SNTG1: variants seen among roughly 807,000 people sequenced by gnomAD.
SNTG1 encodes the protein gamma-1-syntrophin.
A neutral mutation model predicts 74.7 loss-of-function variants in SNTG1; 39 were observed. That is an observed-to-expected ratio of 0.52 (90% confidence interval 0.40 to 0.68). The LOEUF is 0.68. Ranked by LOEUF, SNTG1 falls within the 30% of genes least tolerant of loss-of-function variation. The pLI, the probability that SNTG1 is intolerant of heterozygous loss-of-function variation, is 0.00. For missense variants in SNTG1, 685 were observed against 609.5 expected (o/e 1.12, Z -1.30); for synonymous variants, 254 against 217.1 (o/e 1.17, Z -1.49).
At chr8:50,661,121 A>G (rs1396704763) in intron 15 of SNTG1, among the ~76,000 whole-genome samples, 1 of 152,202 alleles carries the variant, frequency 6.6e-6, no homozygotes, top group African/African-American at 2.4e-5. Context: ...TAACCTCAGC[A>G]CTTGTTATGT....
intron 2 of SNTG1, among the ~76,000 whole-genome samples, chr8:50,232,332 G>A (rs993469401): frequency 2.6e-5 from 4 of 151,190 alleles, no homozygotes; most frequent in African/African-American, 4.8e-5. Flanking sequence ...ATTTTATCAG[G>A]CTAAAAGGAA....
chr8:50,776,506 A>T (rs923837992), intron 18 of SNTG1, among the ~76,000 whole-genome samples: 30 of 147,796 alleles, frequency 2.0e-4, no homozygotes, highest in Non-Finnish European at 7.5e-5. Flanking sequence ...ATATATAGAT[A>T]TATTATGTCT....
chr8:50,066,317 T>C (rs1820895853), intron 1 of SNTG1, among the ~76,000 whole-genome samples: 1 of 152,162 alleles, frequency 6.6e-6, no homozygotes, highest in African/African-American at 2.4e-5. Context: ...ATAAAAATTA[T>C]ATACATTTAA....
At chr8:50,518,805 A>G (rs1330033530) in intron 9 of SNTG1, among the ~76,000 whole-genome samples, 2 of 152,212 alleles carry the variant, frequency 1.3e-5, no homozygotes, top group Admixed American at 6.5e-5. Context: ...AAATTGAGGC[A>G]GTAATTAATA....
intron 12 of SNTG1, among the ~76,000 whole-genome samples, chr8:50,566,130 G>A (rs1210126900): frequency 6.6e-6 from 1 of 151,716 alleles, no homozygotes; most frequent in Non-Finnish European, 1.5e-5. Context: ...TCAAATGATG[G>A]TAATCATAGA....
chr8:50,610,299 A>G (rs1411753066), intron 13 of SNTG1, among the ~76,000 whole-genome samples: 2 of 152,128 alleles, frequency 1.3e-5, no homozygotes, highest in East Asian at 3.9e-4. Context: ...GACATCTTAC[A>G]CCCATAGGAT....
At chr8:50,252,535 G>A (rs1432375721) in intron 2 of SNTG1, among the ~76,000 whole-genome samples, 1 of 152,140 alleles carries the variant, frequency 6.6e-6, no homozygotes, top group East Asian at 1.9e-4. Flanking sequence ...TGATTATTAA[G>A]ATCACAGATA....
At chr8:50,704,541 G>C in intron 15 of SNTG1, 59 bp from the exon 16 acceptor site, 8 of 1,609,272 alleles carry the variant, frequency 5.0e-6, no homozygotes, top group Non-Finnish European at 6.8e-6. Context: ...GTCAGGAATG[G>C]CCAGGTTAGC....
At position 50,402,189 on chromosome 8, in the gene SNTG1, GT is replaced by G. The variant is rs762056974; in HGVS notation, c.28-10del. ...ACTAAGTATAATTTTTCCTCTGTTTGTTTTTTTTTTTAATCTGAAGACAAAG... is the reference window on the plus strand; with the variant it reads ...ACTAAGTATAATTTTTCCTCTGTTTGTTTTTTTTTTAATCTGAAGACAAAG... On this transcript the variant is annotated intron_variant, in intron 3 of 18. Transcript: ENST00000642720. 15,409 of 1,040,454 alleles carry G rather than the reference GT, an allele frequency of 0.015. No homozygotes were observed. The highest frequency in any genetic ancestry group is 0.029 in the South Asian group (1,537 of 52,910). The allele number at this position is 1,040,454 out of a possible 1,614,324, so 64.5% of individuals were successfully genotyped here.
intron 18 of SNTG1, among the ~76,000 whole-genome samples, chr8:50,780,105 C>T (rs2095654318): frequency 1.3e-5 from 2 of 152,096 alleles, no homozygotes; most frequent in Non-Finnish European, 2.9e-5. Flanking sequence ...TTTGGTTTGC[C>T]AGTATTTTAT....
intron 13 of SNTG1, among the ~76,000 whole-genome samples, chr8:50,628,658 GCTTCT>G (rs1317334196): frequency 6.6e-6 from 1 of 151,552 alleles, no homozygotes; most frequent in Non-Finnish European, 1.5e-5. Context: ...TTTTGTTTCT[GCTTCT>G]CTTCTAAAAC....
Position 50,150,265 on chromosome 8 carries a change from T to G in SNTG1, c.-102-22296T>G, listed in dbSNP as rs566565059. On this transcript the variant is annotated intron_variant, in intron 1 of 18. Transcript: ENST00000642720. ...TTTTGTATCCTGAGACTTTGCTGAA[T>G]TTGCTTATCAGCTTAAGGAGATTTT... Among the ~76,000 whole-genome samples, 865 of 152,210 alleles carry G rather than the reference T, an allele frequency of 5.7e-3. 3 individuals are homozygous for G. Among genetic ancestry groups the G allele is most frequent in the Admixed American group, 0.013 (198 of 15,278 alleles).
At chr8:50,711,864 C>T (rs1015405356) in intron 17 of SNTG1, among the ~76,000 whole-genome samples, 1 of 152,106 alleles carries the variant, frequency 6.6e-6, no homozygotes. Flanking sequence ...CTTTGTAATT[C>T]TCTTCCTTAT....
chr8:50,499,637 T>C (rs113977712), intron 8 of SNTG1, among the ~76,000 whole-genome samples: 33 of 152,014 alleles, frequency 2.2e-4, no homozygotes, highest in African/African-American at 7.5e-4. Context: ...TTTAGTCTTT[T>C]ACTATTTAGT....
intron 1 of SNTG1, among the ~76,000 whole-genome samples, chr8:50,116,411 C>T (rs1258748964): frequency 6.6e-6 from 1 of 152,056 alleles, no homozygotes; most frequent in Non-Finnish European, 1.5e-5. Flanking sequence ...ACTCTTAGGT[C>T]TTTTATTTCT....
At chr8:50,696,417 T>A (rs529120435) in intron 15 of SNTG1, among the ~76,000 whole-genome samples, 5 of 152,162 alleles carry the variant, frequency 3.3e-5, no homozygotes, top group African/African-American at 1.2e-4. Context: ...CATTCTTAGG[T>A]TGTATATTTA....
intron 2 of SNTG1, among the ~76,000 whole-genome samples, chr8:50,348,941 C>A (rs2091564152): frequency 6.6e-6 from 1 of 152,190 alleles, no homozygotes; most frequent in Non-Finnish European, 1.5e-5. Context: ...ATGATTACAA[C>A]AGCCTACCCT....
At chr8:50,364,427 C>T (rs2092049176) in intron 2 of SNTG1, among the ~76,000 whole-genome samples, 1 of 152,192 alleles carries the variant, frequency 6.6e-6, no homozygotes. Flanking sequence ...TAATTTCACA[C>T]ACTTACTGTC....
intron 2 of SNTG1, among the ~76,000 whole-genome samples, chr8:50,336,902 T>C (rs1371368074): frequency 1.3e-5 from 2 of 152,208 alleles, no homozygotes; most frequent in Non-Finnish European, 2.9e-5. Flanking sequence ...GCCATTGAGT[T>C]TGTGTTCTTT....
Sources: gnomAD v4.1 joint callset for allele counts (sites outside exome capture counted in the v4.1 genomes callset) on GRCh38, gnomAD v4.1.1 for gene constraint, MANE v1.5 for transcripts, NCBI Gene and HGNC (gene_info 2026-07-23, HGNC 2026-07-21) for gene names.